RGS7: variants seen among roughly 807,000 people sequenced by gnomAD.
RGS7 encodes the protein regulator of G protein signaling 7, also known as regulator of G-protein signaling 7.
Under a neutral mutation model 81.1 loss-of-function variants are expected in RGS7, and 27 were observed. The ratio of observed to expected loss-of-function variants is 0.33; its 90% CI spans 0.25 to 0.46. The LOEUF (loss-of-function observed/expected upper bound fraction) is 0.46, where lower values mean the gene tolerates loss of function less well. Ranked by LOEUF, RGS7 falls within the 20% of genes least tolerant of loss-of-function variation. The pLI is 1.00. For synonymous variants in RGS7, 208 were observed against 207.7 expected, an observed-to-expected ratio of 1.00 and a Z score of -0.01; for missense variants, 396 against 607.4, an observed-to-expected ratio of 0.65 and a Z score of 3.66.
intron 2 of RGS7, among the ~76,000 whole-genome samples, chr1:241,157,201 AAG>A (rs1025823277): frequency 8.6e-5 from 13 of 152,032 alleles, no homozygotes; most frequent in Non-Finnish European, 1.3e-4. Context: ...GAAGAGAAGG[AAG>A]AGAGAGCTAA....
intron 6 of RGS7, among the ~76,000 whole-genome samples, chr1:240,891,782 C>T (rs1018517953): frequency 6.6e-6 from 1 of 152,174 alleles, no homozygotes; most frequent in Admixed American, 6.5e-5. Flanking sequence ...CATGACTTTG[C>T]AATTCAAATT....
intron 2 of RGS7, among the ~76,000 whole-genome samples, chr1:241,172,421 A>G (rs182337047): frequency 1.3e-5 from 2 of 152,324 alleles, no homozygotes; most frequent in Admixed American, 1.3e-4. Context: ...AAAAAATAAG[A>G]GCATCTTAAA....
intron 2 of RGS7, among the ~76,000 whole-genome samples, chr1:241,153,142 C>T (rs961114462): frequency 2.0e-5 from 3 of 152,158 alleles, no homozygotes; most frequent in Non-Finnish European, 4.4e-5. Context: ...TTGATTTGCA[C>T]ATAAACCCAC....
intron 2 of RGS7, among the ~76,000 whole-genome samples, chr1:241,147,191 C>T (rs997060795): frequency 3.3e-5 from 5 of 152,180 alleles, no homozygotes; most frequent in Non-Finnish European, 7.3e-5. Flanking sequence ...AAAGAAATTA[C>T]TCTTTGACTA....
chr1:240,894,624 T>C (rs1668753181), intron 6 of RGS7, among the ~76,000 whole-genome samples: 1 of 152,078 alleles, frequency 6.6e-6, no homozygotes, highest in Non-Finnish European at 1.5e-5. Flanking sequence ...CAAATCTTCC[T>C]GGAATTTTTC....
At chr1:240,799,016 G>A (rs181298887) in intron 18 of RGS7, among the ~76,000 whole-genome samples, 1 of 152,108 alleles carries the variant, frequency 6.6e-6, no homozygotes, top group Admixed American at 6.6e-5. Context: ...CTATAAAGGT[G>A]TCTCATAAAA....
At chr1:240,974,064 G>GAC (rs984894934) in intron 4 of RGS7, among the ~76,000 whole-genome samples, 3 of 152,190 alleles carry the variant, frequency 2.0e-5, no homozygotes, top group African/African-American at 7.2e-5. Context: ...GGAGGCAGAT[G>GAC]ACAGACTCTA....
At chr1:241,193,017 T>A (rs2072798910) in intron 2 of RGS7, among the ~76,000 whole-genome samples, 1 of 152,200 alleles carries the variant, frequency 6.6e-6, no homozygotes, top group Admixed American at 6.5e-5. Context: ...TCCAAAGAAC[T>A]ATAATAATGG....
intron 2 of RGS7, among the ~76,000 whole-genome samples, chr1:241,323,155 A>G (rs1227135998): frequency 6.6e-6 from 1 of 152,254 alleles, no homozygotes; most frequent in Non-Finnish European, 1.5e-5. Flanking sequence ...TCCCTTAAAA[A>G]TAAGAGAGAA....
At chr1:240,916,088 C>T (rs1420825501) in intron 6 of RGS7, among the ~76,000 whole-genome samples, 1 of 147,556 alleles carries the variant, frequency 6.8e-6, no homozygotes, top group Admixed American at 6.7e-5. Flanking sequence ...CATGGTGAAA[C>T]CCTGTGTCTA....
At chr1:241,087,985 TATATATATATAC>T (rs2063563379) in intron 3 of RGS7, among the ~76,000 whole-genome samples, 1 of 99,168 alleles carries the variant, frequency 1.0e-5, no homozygotes, top group South Asian at 3.1e-4. Flanking sequence ...TCTATATATA[TATATATATATAC>T]ACACACACAC....
At chr1:240,995,120 T>C (rs1687070669) in intron 3 of RGS7, among the ~76,000 whole-genome samples, 1 of 152,246 alleles carries the variant, frequency 6.6e-6, no homozygotes, top group Non-Finnish European at 1.5e-5. Context: ...TTTTCTATTT[T>C]ATCCAGTTAA....
At position 241,164,712 on chromosome 1, in the gene RGS7, G is replaced by A. The variant is rs569581267; in HGVS notation, c.79-65950C>T. Among the ~76,000 whole-genome samples, 15 of 152,178 alleles carry A rather than the reference G, an allele frequency of 9.9e-5. No individual in the cohort carries two copies. The highest frequency in any genetic ancestry group is 5.2e-4 in the Admixed American group (8 of 15,274). On this transcript the variant is annotated intron_variant, in intron 2 of 18. Transcript: ENST00000440928. The surrounding 1 kb of genome is among the most constrained non-coding windows in gnomAD (Gnocchi z 4.1). ...ATTTTCCATGTTTAAAAAATACTGC[G>A]CAGGCCAACAAAACACATCCCCTAC...
intron 2 of RGS7, among the ~76,000 whole-genome samples, chr1:241,287,272 C>T (rs1406240432): frequency 6.6e-6 from 1 of 152,222 alleles, no homozygotes; most frequent in Non-Finnish European, 1.5e-5. Flanking sequence ...CAAATCTCAT[C>T]TTGAATTGTA....
intron 2 of RGS7, among the ~76,000 whole-genome samples, chr1:241,275,320 G>A (rs911634511): frequency 6.6e-6 from 1 of 152,182 alleles, no homozygotes; most frequent in South Asian, 2.1e-4. Flanking sequence ...TAAGAAAGTT[G>A]TCTATTTTTT....
chr1:241,193,494 T>C (rs1314973860), intron 2 of RGS7, among the ~76,000 whole-genome samples: 1 of 152,234 alleles, frequency 6.6e-6, no homozygotes, highest in East Asian at 1.9e-4. Flanking sequence ...TAGCTGATAT[T>C]ATCAATCAAT....
intron 9 of RGS7, among the ~76,000 whole-genome samples, chr1:240,858,226 G>T (rs1431398072): frequency 6.6e-6 from 1 of 152,186 alleles, no homozygotes; most frequent in Non-Finnish European, 1.5e-5. Context: ...TGTGTGAACA[G>T]AACTTTCCTA....
At chr1:240,838,620 C>A (rs1695079395) in intron 9 of RGS7, among the ~76,000 whole-genome samples, 1 of 151,980 alleles carries the variant, frequency 6.6e-6, no homozygotes, top group Admixed American at 6.6e-5. Flanking sequence ...TGCTAAGAGC[C>A]AAAATTTTAT....
chr1:241,075,571 CACACTA>C (rs1223455408), intron 3 of RGS7, among the ~76,000 whole-genome samples: 2 of 151,924 alleles, frequency 1.3e-5, no homozygotes, highest in African/African-American at 2.4e-5. Context: ...ATACATAAAT[CACACTA>C]ACACTAACGA....
Sources: gnomAD v4.1 joint callset for allele counts (sites outside exome capture counted in the v4.1 genomes callset) on GRCh38, gnomAD v4.1.1 for gene constraint, Gnocchi (gnomAD v3.1) non-coding constraint, MANE v1.5 for transcripts, NCBI Gene and HGNC (gene_info 2026-07-23, HGNC 2026-07-21) for gene names.